The following IFT74 variants were observed in gnomAD, a reference collection of about 807,000 sequenced individuals.
IFT74 encodes the protein intraflagellar transport protein 74 homolog.
In IFT74, 92 loss-of-function variants were observed where a neutral mutation model predicts 96.7. The observed-to-expected ratio is 0.95, with a 90% CI of 0.80 to 1.13. The LOEUF is 1.13. Among genes scored for constraint, IFT74 ranks in the 50% most tolerant of loss-of-function variants. The pLI, the probability that IFT74 is intolerant of heterozygous loss-of-function variation, is 0.00. For missense variants in IFT74, 811 were observed against 698.2 expected, an observed-to-expected ratio of 1.16 and a Z score of -1.82; for synonymous variants, 223 against 213.2, an observed-to-expected ratio of 1.05 and a Z score of -0.40.
intron 3 of IFT74, among the ~76,000 whole-genome samples, chr9:26,979,532 A>G (rs1587276372): frequency 6.6e-6 from 1 of 152,024 alleles, no homozygotes; most frequent in East Asian, 1.9e-4. Context: ...AGAACTGTCT[A>G]CTGTGACTTT....
chr9:26,963,876 T>C (rs1486044209), intron 2 of IFT74, among the ~76,000 whole-genome samples: 1 of 152,206 alleles, frequency 6.6e-6, no homozygotes, highest in Non-Finnish European at 1.5e-5. Flanking sequence ...CTTTGTCAGA[T>C]GAGTAGGTTG....
At chr9:26,949,042 T>G (rs1461454195) in intron 1 of IFT74, among the ~76,000 whole-genome samples, 2 of 152,222 alleles carry the variant, frequency 1.3e-5, no homozygotes, top group Admixed American at 6.5e-5. Flanking sequence ...CCAATGCAGT[T>G]TTGTCTGTTG....
intron 8 of IFT74, chr9:26,999,578 G>C (rs754113025): frequency 1.4e-6 from 2 of 1,442,726 alleles, no homozygotes; most frequent in Non-Finnish European, 9.6e-7. Flanking sequence ...ATGTACCTTT[G>C]AAAATATTTT....
At chr9:27,013,271 A>G (rs1829196861) in intron 10 of IFT74, among the ~76,000 whole-genome samples, 1 of 152,148 alleles carries the variant, frequency 6.6e-6, no homozygotes, top group Admixed American at 6.5e-5. Flanking sequence ...ATCAGTTCCT[A>G]GAGAACCTCC....
chr9:26,955,195 C>T (rs1563929528), upstream of IFT74, among the ~76,000 whole-genome samples: 1 of 152,138 alleles, frequency 6.6e-6, no homozygotes, highest in Non-Finnish European at 1.5e-5. Context: ...CAGACTCTCC[C>T]AGAAGCTGAA....
In IFT74 at chr9:27,036,456, C is replaced by T. The variant is rs776863419; in HGVS notation, c.1054+7352C>T. 12 of 1,613,476 alleles carry T rather than the reference C, an allele frequency of 7.4e-6. No individual in the cohort carries two copies. The East Asian group carries it at 2.2e-4, about 30-fold the overall frequency. ...ACGGGTTCTTCATCTGCAGATCCTA[C>T]CAACTATGGATGGAAAATACTTGAA... is the stretch of plus-strand genomic sequence containing the variant. On this transcript the variant is annotated intron_variant, in intron 13 of 19. Coordinates refer to ENST00000380062, the MANE Select transcript of IFT74 (RefSeq NM_025103.4).
intron 9 of IFT74, among the ~76,000 whole-genome samples, chr9:27,009,932 A>G (rs1828970641): frequency 1.3e-5 from 2 of 152,004 alleles, no homozygotes; most frequent in Admixed American, 6.5e-5. Context: ...TAGGATATTC[A>G]TCACCTCAAA....
Position 26,961,931 on chromosome 9 carries a change from T to C in IFT74, c.-19-18T>C. 6.2e-7 allele frequency: 1 copy of C among 1,613,484 alleles called. No individual in the cohort carries two copies. Among genetic ancestry groups the C allele is most frequent in the Non-Finnish European group, 8.5e-7 (1 of 1,179,460 alleles). On this transcript the variant is annotated intron_variant, in intron 1 of 19. Coordinates refer to ENST00000380062, the MANE Select transcript of IFT74 (RefSeq NM_025103.4). Reference sequence around the variant, plus strand: ...GAGAAGACATCAAAGGATTGAACTATTTATTGTTTCCAAACAGCGATTAAA... The same window carrying C: ...GAGAAGACATCAAAGGATTGAACTACTTATTGTTTCCAAACAGCGATTAAA...
intron 2 of IFT74, among the ~76,000 whole-genome samples, chr9:26,963,091 G>A (rs1041074387): frequency 6.6e-6 from 1 of 151,850 alleles, no homozygotes; most frequent in African/African-American, 2.4e-5. Flanking sequence ...TGTATCTCCC[G>A]ATGCTATCCC....
intron 2 of IFT74, among the ~76,000 whole-genome samples, chr9:26,965,824 C>T (rs954422438): frequency 3.3e-5 from 5 of 152,060 alleles, no homozygotes; most frequent in African/African-American, 1.2e-4. Flanking sequence ...TGTTATCTCA[C>T]TCTGTATGTC....
At chr9:26,977,899 A>C (rs2131524628) in intron 2 of IFT74, among the ~76,000 whole-genome samples, 1 of 152,332 alleles carries the variant, frequency 6.6e-6, no homozygotes, top group African/African-American at 2.4e-5. Flanking sequence ...TAGAATTTAA[A>C]ATTTTCCTGA....
At chr9:27,062,306 G>T (rs1400794096) in intron 19 of IFT74, among the ~76,000 whole-genome samples, 1 of 152,152 alleles carries the variant, frequency 6.6e-6, no homozygotes, top group Non-Finnish European at 1.5e-5. Context: ...ATGTGTGTAT[G>T]TGTGTTTGAA....
Position 26,997,330 on chromosome 9 carries a change from C to CTT in IFT74, c.587+7155_587+7156dup, listed in dbSNP as rs773530183. On this transcript the variant is annotated intron_variant, in intron 8 of 19. Coordinates refer to ENST00000380062, the MANE Select transcript of IFT74 (RefSeq NM_025103.4). ...GCTTAAACAGAAATTGTTTCCTTTCCTTTTTTTTTTTTTTTTTTTTTGAGA... is the reference window on the plus strand; with the variant it reads ...GCTTAAACAGAAATTGTTTCCTTTCCTTTTTTTTTTTTTTTTTTTTTTTGAGA... 2.9e-3 allele frequency among the ~76,000 whole-genome samples: 359 copies of CTT among 123,590 alleles called. 3 individuals are homozygous for CTT. Among genetic ancestry groups the CTT allele is most frequent in the East Asian group, 0.011 (38 of 3,450 alleles). The allele number at this position is 123,590 out of a possible 152,430, so 81.1% of individuals were successfully genotyped here. A position where few individuals can be genotyped will look rare whatever the true frequency, so the allele number is the denominator to read the frequency against.
In IFT74 at chr9:26,999,771, T is replaced by TC. The variant is rs1491265886; in HGVS notation, c.588-9249_588-9248insC. The TC allele has an allele frequency of 4.5e-5, 5 of 111,464 alleles. No homozygotes were observed. In the Admixed American group the frequency reaches 5.7e-4, roughly 13 times the overall value. The allele number at this position is 111,464 out of a possible 1,614,324, so 6.9% of individuals were successfully genotyped here. On this transcript the variant is annotated intron_variant, in intron 8 of 19. Transcript: ENST00000380062. ...TTCCCTCTTTTGAATCTGTTTATTC[T>TC]TTTTTTTTTTTTTTTTTTTTGGCTG...
chr9:27,009,832 T>C (rs1167287476), intron 9 of IFT74, among the ~76,000 whole-genome samples: 1 of 152,188 alleles, frequency 6.6e-6, no homozygotes, highest in African/African-American at 2.4e-5. Flanking sequence ...AAAATTAATT[T>C]TTTTATTGAT....
chr9:27,005,153 T>G (rs897287961), intron 8 of IFT74, among the ~76,000 whole-genome samples: 2 of 149,118 alleles, frequency 1.3e-5, no homozygotes, highest in Non-Finnish European at 3.0e-5. Flanking sequence ...TTAAAACCTT[T>G]TTGTAATGGA....
chr9:26,948,468 T>A lies in IFT74; in HGVS notation c.-20+1322T>A, dbSNP rs1460173375. 3.6e-3 allele frequency among the ~76,000 whole-genome samples: 350 copies of A among 98,336 alleles called. 5 individuals carry two copies. Among genetic ancestry groups the A allele is most frequent in the Non-Finnish European group, 5.5e-3 (270 of 49,312 alleles). The allele number at this position is 98,336 out of a possible 152,430, so 64.5% of individuals were successfully genotyped here. On this transcript the variant is annotated intron_variant, in intron 1 of 19. Transcript: ENST00000433700. The stretch of plus-strand genomic sequence containing the variant: ...CCATTATTTTTTTTTTTTTTTTTTT[T>A]TTTTTTTTTTTTTTTTTTTTGAGAC...
chr9:26,951,388 A>AT (rs985476927), intron 1 of IFT74, among the ~76,000 whole-genome samples: 28 of 149,790 alleles, frequency 1.9e-4, no homozygotes, highest in East Asian at 3.9e-4. Context: ...ATTGTTTAGC[A>AT]TTTTTTTTTT....
At chr9:27,002,009 G>C (rs117921008) in intron 8 of IFT74, among the ~76,000 whole-genome samples, 1 of 151,880 alleles carries the variant, frequency 6.6e-6, no homozygotes, top group African/African-American at 2.4e-5. Context: ...CAGGATGCAC[G>C]TCTGGGGGGT....
Sources: gnomAD v4.1 joint callset for allele counts (sites outside exome capture counted in the v4.1 genomes callset) on GRCh38, gnomAD v4.1.1 for gene constraint, MANE v1.5 for transcripts, NCBI Gene and HGNC (gene_info 2026-07-23, HGNC 2026-07-21) for gene names.